The following DHX37 variants were observed in gnomAD, a reference collection of about 807,000 sequenced individuals.
DHX37 encodes the protein probable ATP-dependent RNA helicase DHX37.
Under a neutral mutation model 134.3 loss-of-function variants are expected in DHX37, and 52 were observed. The ratio of observed to expected loss-of-function variants is 0.39; its 90% CI spans 0.31 to 0.49. DHX37 has a LOEUF of 0.49. Ranked by LOEUF, DHX37 falls within the 20% of genes least tolerant of loss-of-function variation. The probability of loss-of-function intolerance (pLI) is 0.93; values close to 1 mark genes in which losing one functional copy is unlikely to be tolerated. For missense variants in DHX37, 1,344 were observed against 1,580.8 expected, an observed-to-expected ratio of 0.85 and a Z score of 2.54; for synonymous variants, 634 against 670.7, an observed-to-expected ratio of 0.95 and a Z score of 0.85.
intron 23 of DHX37, 72 bp downstream of exon 23, chr12:124,950,341 G>C (rs1594470549): frequency 6.3e-7 from 1 of 1,598,932 alleles, no homozygotes; most frequent in Non-Finnish European, 8.5e-7. Context: ...GGGGGCAGGG[G>C]ACAGGACCGT....
At chr12:124,987,091 C>T (rs1254756719) in intron 1 of DHX37, among the ~76,000 whole-genome samples, 2 of 152,178 alleles carry the variant, frequency 1.3e-5, no homozygotes, top group African/African-American at 2.4e-5. Flanking sequence ...CGCGGTGGCG[C>T]ACGCCTGCAA....
chr12:124,982,073 A>C, intron 3 of DHX37, among the ~76,000 whole-genome samples: 1 of 151,322 alleles, frequency 6.6e-6, no homozygotes, highest in Non-Finnish European at 1.5e-5. Flanking sequence ...CGGTAAGCTG[A>C]GATCACGCCA....
At chr12:124,966,963 C>T in intron 11 of DHX37, 85 bp from the exon 12 acceptor site, 1 of 1,576,538 alleles carries the variant, frequency 6.3e-7, no homozygotes, top group Non-Finnish European at 8.7e-7. Flanking sequence ...AAGGCATGGC[C>T]ACTCAGTGGT....
intron 21 of DHX37, among the ~76,000 whole-genome samples, chr12:124,951,183 A>T (rs1953971047): frequency 6.6e-6 from 1 of 151,856 alleles, no homozygotes; most frequent in Non-Finnish European, 1.5e-5. Context: ...TGGGAGGCTG[A>T]GGCAGGAGAA....
intron 20 of DHX37, chr12:124,953,247 GGC>G (rs1954009418): frequency 6.5e-6 from 1 of 153,486 alleles, no homozygotes; most frequent in African/African-American, 2.4e-5. Flanking sequence ...ATGGTGACAG[GGC>G]CACCACCATG....
Position 124,960,316 on chromosome 12 carries a change from T to C in DHX37, c.2153A>G (p.Glu718Gly), listed in dbSNP as rs146758195. Residue 718 changes from glutamate (E) to glycine (G), a missense_variant, in exon 16 of 27, where the codon GAA (glutamate) becomes GGA (glycine). This residue lies in a region of DHX37 where 558 missense variants were observed against 650.0 expected (regional missense o/e 0.86). Transcript: ENST00000308736. Reference protein sequence around the residue: ...LILQMKALNVEKVINFPFPTP... With the variant: ...LILQMKALNVGKVINFPFPTP... ...GGGCTGGGGGCAGCAACTGACCTTTTCAACGTTGAGCGCCTTCATTTGAAG... is the reference window on the plus strand; with the variant it reads ...GGGCTGGGGGCAGCAACTGACCTTTCCAACGTTGAGCGCCTTCATTTGAAG... 6.2e-7 allele frequency: 1 copy of C among 1,612,726 alleles called. No individual in the cohort carries two copies. Among genetic ancestry groups the C allele is most frequent in the East Asian group, 2.2e-5 (1 of 44,832 alleles).
chr12:124,967,111 C>A lies in DHX37; in HGVS notation c.1504+12G>T. 1.9e-6 allele frequency: 3 copies of A among 1,613,084 alleles called. No homozygotes were observed. Among genetic ancestry groups the A allele is most frequent in the African/African-American group, 1.3e-5 (1 of 75,044 alleles). On this transcript the variant is annotated intron_variant, in intron 11 of 26. Transcript: ENST00000308736. ...GCTCAGGGCAGAGTGCTGGTCGGGG[C>A]GTCCTCTTTACCTTGTGGCCGGGCT... is the stretch of plus-strand genomic sequence containing the variant.
Position 124,947,608 on chromosome 12 carries a change from C to A in DHX37, c.*194G>T. Reference sequence around the variant, plus strand: ...AATAAACAGTTCAAAAAGTCACCCCCGGGCCAGATGGCACGGGCGGCAGCA... The same window carrying A: ...AATAAACAGTTCAAAAAGTCACCCCAGGGCCAGATGGCACGGGCGGCAGCA... On this transcript the variant is annotated 3_prime_UTR_variant, in exon 27 of 27. Coordinates refer to ENST00000308736, the MANE Select transcript of DHX37 (RefSeq NM_032656.4). The A allele has an allele frequency of 1.6e-6, 1 of 641,742 alleles. No homozygotes were observed. The highest frequency in any genetic ancestry group is 2.6e-6 in the Non-Finnish European group (1 of 389,692). The allele number at this position is 641,742 out of a possible 1,614,324, so 39.8% of individuals were successfully genotyped here. A position where few individuals can be genotyped will look rare whatever the true frequency, so the allele number is the denominator to read the frequency against.
rs1953996802 is a variant in DHX37 at position 124,952,536 on chromosome 12, C to T, written c.2730G>A (p.Val910=). 6.3e-7 allele frequency: 1 copy of T among 1,598,494 alleles called. No homozygotes were observed. The highest frequency in any genetic ancestry group is 8.5e-7 in the Non-Finnish European group (1 of 1,170,398). The change falls in exon 21 of 27, where the codon GTG becomes GTA. Residue 910 remains valine, a synonymous_variant. Transcript: ENST00000308736. ...NAVCPEAELF[V]DPKMQPPTES... is the part of the protein sequence containing the mutation. Reference sequence around the variant, plus strand: ...CGGTGGGCGGCTGCATCTTGGGATCCACGAAGAGCTCAGCCTCGGGGCACA... The same window carrying T: ...CGGTGGGCGGCTGCATCTTGGGATCTACGAAGAGCTCAGCCTCGGGGCACA...
chr12:124,964,844 G>C, intron 14 of DHX37, 86 bp downstream of exon 14: 2 of 1,466,768 alleles, frequency 1.4e-6, no homozygotes, highest in Non-Finnish European at 1.8e-6. Context: ...AACAGCAGAT[G>C]GAGAGGACCA....
At chr12:124,960,833 T>C (rs1702790611) in intron 15 of DHX37, among the ~76,000 whole-genome samples, 1 of 152,204 alleles carries the variant, frequency 6.6e-6, no homozygotes, top group South Asian at 2.1e-4. Context: ...CGTGCATCTG[T>C]AGTCCCAGCT....
chr12:124,961,256 GCACACACATACACGCGTGCACGCA>G (rs1270353224), intron 15 of DHX37, among the ~76,000 whole-genome samples: 8,202 of 90,132 alleles, frequency 0.091, 374 homozygotes, highest in African/African-American at 0.25. Flanking sequence ...GTGCACGCAC[GCACACACATACACGCGTGCACGCA>G]CACACACTTA....
intron 6 of DHX37, among the ~76,000 whole-genome samples, chr12:124,973,735 G>A (rs971438575): frequency 1.4e-5 from 2 of 146,468 alleles, no homozygotes; most frequent in Non-Finnish European, 3.0e-5. Context: ...TCCGCCTCTC[G>A]GGTTCAAGGG....
chr12:124,982,713 T>G (rs1157388585), intron 2 of DHX37, 90 bp from the exon 3 acceptor site: 3 of 1,536,108 alleles, frequency 2.0e-6, no homozygotes, highest in Non-Finnish European at 2.7e-6. Flanking sequence ...TCAGCATCAT[T>G]AACACCTGGA....
chr12:124,948,995 C>G (rs995796643), intron 25 of DHX37, among the ~76,000 whole-genome samples: 2 of 152,156 alleles, frequency 1.3e-5, no homozygotes, highest in African/African-American at 4.8e-5. Context: ...AACCTTCCTC[C>G]AGATTTGTGC....
chr12:124,966,730 G>A, intron 12 of DHX37, 63 bp downstream of exon 12: 2 of 1,536,478 alleles, frequency 1.3e-6, no homozygotes, highest in Non-Finnish European at 1.8e-6. Context: ...CATGGGGCTG[G>A]TAGCTGCCAT....
At chr12:124,962,629 C>G (rs1052499556) in intron 15 of DHX37, among the ~76,000 whole-genome samples, 4 of 151,980 alleles carry the variant, frequency 2.6e-5, no homozygotes, top group Non-Finnish European at 4.4e-5. Flanking sequence ...GCATTCTAGC[C>G]CAGGCCGACA....
In DHX37 at chr12:124,982,445, A is replaced by C. The variant is rs113706182; in HGVS notation, c.389+66T>G. 8.5e-4 allele frequency: 1,347 copies of C among 1,590,898 alleles called. 15 individuals carry two copies. In the African/African-American group the frequency reaches 0.016, roughly 19 times the overall value. ...TGTTCCACCCCCAGAGGACCCCATA[A>C]CCTGTGCGCCCTCCCTAGGGGGCCC... On this transcript the variant is annotated intron_variant, in intron 3 of 26. Coordinates refer to ENST00000308736, the MANE Select transcript of DHX37 (RefSeq NM_032656.4).
Position 124,980,588 on chromosome 12 carries a change from T to C in DHX37, c.640A>G (p.Met214Val), listed in dbSNP as rs746698210. 7 of 1,610,358 alleles carry C rather than the reference T, an allele frequency of 4.3e-6. No homozygotes were observed. Among genetic ancestry groups the C allele is most frequent in the Non-Finnish European group, 1.7e-6 (2 of 1,179,656 alleles). The stretch of plus-strand genomic sequence containing the variant: ...GCAGCTGGAGGAGGAGGAACAGTCA[T>C]CCCAGCCGGCACGGGCTGACTGCTG... ...APSSQPVPAG[M>V]TVPPPPAAAP... The change falls in exon 4 of 27, where the codon ATG becomes GTG. Residue 214 changes from methionine to valine, a missense_variant. Physicochemically the swap from Met to Val is conservative, Grantham distance 21. Coordinates refer to ENST00000308736, the MANE Select transcript of DHX37 (RefSeq NM_032656.4). This position sits in a 1 kb window ranked among gnomAD's most constrained non-coding sequence, Gnocchi z 5.3.
Sources: allele counts gnomAD v4.1 joint callset (sites outside exome capture counted in the v4.1 genomes callset), GRCh38; gene constraint gnomAD v4.1.1; regional missense constraint gnomAD v4.1.1; non-coding constraint Gnocchi (gnomAD v3.1); transcripts MANE v1.5; gene names NCBI Gene and HGNC (gene_info 2026-07-23, HGNC 2026-07-21).